Variants in SMAD3 observed in about 807,000 individuals in gnomAD.
SMAD3 encodes MAD homolog 3.
A neutral mutation model predicts 51.8 loss-of-function variants in SMAD3; 12 were observed. That is an observed-to-expected ratio of 0.23 (90% CI 0.15 to 0.38). The LOEUF is 0.38. Ranked by LOEUF, SMAD3 falls within the 10% of genes least tolerant of loss-of-function variation. The probability of loss-of-function intolerance (pLI) is 1.00; values close to 1 mark genes in which losing one functional copy is unlikely to be tolerated. For missense variants in SMAD3, 294 were observed against 565.6 expected, an observed-to-expected ratio of 0.52 and a Z score of 4.87; for synonymous variants, 238 against 227.7, an observed-to-expected ratio of 1.05 and a Z score of -0.41.
At chr15:67,187,072 G>C (rs1396703390) in intron 7 of SMAD3, 2 of 581,220 alleles carry the variant, frequency 3.4e-6, no homozygotes, top group Admixed American at 4.3e-5. Flanking sequence ...CCTCTTTGCA[G>C]ACTTCTCCCT....
At chr15:67,094,786 C>T (rs2140217662) in intron 1 of SMAD3, among the ~76,000 whole-genome samples, 1 of 149,830 alleles carries the variant, frequency 6.7e-6, no homozygotes, top group East Asian at 2.0e-4. Context: ...CAGGGTGCTC[C>T]TGACTTGATG....
chr15:67,107,027 G>A (rs534303658), intron 1 of SMAD3, among the ~76,000 whole-genome samples: 6 of 151,966 alleles, frequency 3.9e-5, no homozygotes, highest in African/African-American at 1.2e-4. Context: ...CCGTCTGCAC[G>A]ACTTGGCTTC....
chr15:67,101,963 T>C (rs1960767787), intron 1 of SMAD3, among the ~76,000 whole-genome samples: 1 of 152,238 alleles, frequency 6.6e-6, no homozygotes, highest in Admixed American at 6.5e-5. Context: ...TTGACACAGC[T>C]GAATTTGCCT....
chr15:67,098,293 A>C (rs1007224108), intron 1 of SMAD3, among the ~76,000 whole-genome samples: 1 of 119,088 alleles, frequency 8.4e-6, no homozygotes, highest in African/African-American at 3.2e-5. Context: ...CCCCCACCCC[A>C]CCACCCAAGA....
rs1437692286 is a variant in SMAD3 at position 67,192,618 on chromosome 15, G to A, written c.*2082G>A. ...AAGCCATGGGCAGCAGTTTCCGAGG[G>A]CCTGCATGATCCACCTGCTGCACGA... On this transcript the variant is annotated 3_prime_UTR_variant, in exon 9 of 9. Coordinates refer to ENST00000327367, the MANE Select transcript of SMAD3 (RefSeq NM_005902.4). The A allele has an allele frequency of 6.0e-5, 14 of 233,180 alleles. No individual in the cohort carries two copies. Among genetic ancestry groups the A allele is most frequent in the Non-Finnish European group, 8.5e-5 (10 of 117,996 alleles). 14.4% of individuals were successfully genotyped at this position (233,180 alleles called of 1,614,324 possible).
intron 1 of SMAD3, chr15:67,126,002 T>C (rs1961376987): frequency 3.0e-6 from 3 of 984,860 alleles, no homozygotes; most frequent in Non-Finnish European, 1.2e-6. Flanking sequence ...TTATCTTATT[T>C]GGCAGGGTGG....
intron 1 of SMAD3, among the ~76,000 whole-genome samples, chr15:67,129,456 G>A (rs552508467): frequency 6.6e-6 from 1 of 151,758 alleles, no homozygotes; most frequent in South Asian, 2.1e-4. Context: ...TTTTATGATA[G>A]TATATTGTTA....
At chr15:67,100,180 TAA>T (rs34746545) in intron 1 of SMAD3, among the ~76,000 whole-genome samples, 1 of 109,930 alleles carries the variant, frequency 9.1e-6, no homozygotes, top group Non-Finnish European at 1.8e-5. Flanking sequence ...AAACTCCATC[TAA>T]AAAAAAAAAA....
At chr15:67,179,297 T>C (rs1346060740) in intron 5 of SMAD3, among the ~76,000 whole-genome samples, 2 of 152,118 alleles carry the variant, frequency 1.3e-5, no homozygotes, top group Non-Finnish European at 1.5e-5. Flanking sequence ...CATCTGGCAA[T>C]ATCCGCAGCC....
chr15:67,113,076 G>GTGTA (rs763595789), intron 1 of SMAD3, among the ~76,000 whole-genome samples: 2 of 34,986 alleles, frequency 5.7e-5, no homozygotes, highest in African/African-American at 2.0e-4. Context: ...ATATATATGT[G>GTGTA]TATATATATA....
Position 67,142,193 on chromosome 15 carries a change from C to T in SMAD3, c.207-22702C>T, listed in dbSNP as rs115348873. ...ATATTCATTCTTTTGTGTGTCTCCT[C>T]CCCACACCCCCCCCACCATTGTTTC... On this transcript the variant is annotated intron_variant, in intron 1 of 8. Transcript: ENST00000327367. Among the ~76,000 whole-genome samples the T allele has an allele frequency of 4.9e-3, 682 of 140,042 alleles. 9 individuals are homozygous for T. Among genetic ancestry groups the T allele is most frequent in the African/African-American group, 0.018 (661 of 37,484 alleles). 91.9% of individuals were successfully genotyped at this position (140,042 alleles called of 152,430 possible).
Position 67,066,369 on chromosome 15 carries a change from C to T in SMAD3, c.206+9C>T, listed in dbSNP as rs773458425. 1.4e-5 allele frequency: 23 copies of T among 1,610,378 alleles called. No individual in the cohort carries two copies. The South Asian group carries it at 1.9e-4, about 13-fold the overall frequency. On this transcript the variant is annotated intron_variant, in intron 1 of 8. Transcript: ENST00000327367. ...TGCATCACCATCCCCAGGTGGGGGC[C>T]CGCCCGGGGGGGACCCGGGGTCACG... is the stretch of plus-strand genomic sequence containing the variant.
chr15:67,102,869 T>C (rs1316960029), intron 1 of SMAD3, among the ~76,000 whole-genome samples: 1 of 152,206 alleles, frequency 6.6e-6, no homozygotes, highest in African/African-American at 2.4e-5. Context: ...ATAGCTCCTC[T>C]TCAATGTGCT....
intron 1 of SMAD3, among the ~76,000 whole-genome samples, chr15:67,093,721 C>A (rs1960555610): frequency 6.6e-6 from 1 of 152,256 alleles, no homozygotes; most frequent in Non-Finnish European, 1.5e-5. Flanking sequence ...TGCTGACTTG[C>A]AGCGCTGTGT....
At chr15:67,087,362 C>G (rs1382029735) in intron 1 of SMAD3, among the ~76,000 whole-genome samples, 1 of 152,084 alleles carries the variant, frequency 6.6e-6, no homozygotes, top group Non-Finnish European at 1.5e-5. Flanking sequence ...TTTGCCAGAT[C>G]CCTGCTTTGA....
chr15:67,166,092 T>A, intron 3 of SMAD3: 1 of 781,970 alleles, frequency 1.3e-6, no homozygotes, highest in Non-Finnish European at 1.6e-6. Flanking sequence ...TTTACTGGGC[T>A]GAGATTGGCT....
At chr15:67,149,940 G>A (rs1962083837) in intron 1 of SMAD3, among the ~76,000 whole-genome samples, 1 of 152,156 alleles carries the variant, frequency 6.6e-6, no homozygotes. Context: ...CAAGAAACAT[G>A]GTCATTTCCC....
intron 1 of SMAD3, among the ~76,000 whole-genome samples, chr15:67,081,225 G>A (rs1378354384): frequency 6.6e-6 from 1 of 152,208 alleles, no homozygotes; most frequent in Non-Finnish European, 1.5e-5. Flanking sequence ...GGCATGGACA[G>A]AGAGTATTCA....
chr15:67,183,716 G>A (rs189503988), intron 6 of SMAD3, among the ~76,000 whole-genome samples: 6 of 152,308 alleles, frequency 3.9e-5, no homozygotes, highest in East Asian at 1.9e-4. Flanking sequence ...TCCCCTGGCC[G>A]AGCAAAGAGC....
Sources: gnomAD v4.1 joint callset for allele counts (sites outside exome capture counted in the v4.1 genomes callset) on GRCh38, gnomAD v4.1.1 for gene constraint, MANE v1.5 for transcripts, NCBI Gene and HGNC (gene_info 2026-07-23, HGNC 2026-07-21) for gene names.